The following WHRN variants were observed in gnomAD, a reference collection of about 807,000 sequenced individuals.
The protein encoded by WHRN is whirlin.
WHRN carries 41 observed loss-of-function variants against 68.3 expected under a neutral mutation model. That is an observed-to-expected ratio of 0.60 (90% confidence interval 0.47 to 0.78). The LOEUF (loss-of-function observed/expected upper bound fraction) is 0.78. Among genes scored for constraint, WHRN ranks in the 30% least tolerant of loss-of-function variants. WHRN has a pLI of 0.00. For missense variants in WHRN, 1,243 were observed against 1,244.7 expected (o/e 1.00, Z 0.02); for synonymous variants, 560 against 561.3 (o/e 1.00, Z 0.03).
intron 3 of WHRN, among the ~76,000 whole-genome samples, chr9:114,447,006 C>G (rs1343675037): frequency 6.6e-6 from 1 of 152,058 alleles, no homozygotes; most frequent in African/African-American, 2.4e-5. Flanking sequence ...CCAATTCTTC[C>G]TGGAAGAGCT....
intron 7 of WHRN, among the ~76,000 whole-genome samples, chr9:114,421,107 G>A (rs538693954): frequency 6.6e-6 from 1 of 152,146 alleles, no homozygotes; most frequent in East Asian, 1.9e-4. Context: ...AAACCTTTAG[G>A]ACCACTCTTT....
intron 3 of WHRN, among the ~76,000 whole-genome samples, chr9:114,458,116 A>G (rs557331840): frequency 1.3e-5 from 2 of 152,324 alleles, no homozygotes; most frequent in South Asian, 4.1e-4. Context: ...TGCAAAAATA[A>G]TACTTGCTAG....
At chr9:114,405,396 T>G (rs984434039) in intron 9 of WHRN, among the ~76,000 whole-genome samples, 5 of 152,204 alleles carry the variant, frequency 3.3e-5, no homozygotes, top group African/African-American at 1.2e-4. Context: ...ACTTTGTATG[T>G]CTCAGTTTGT....
intron 1 of WHRN, among the ~76,000 whole-genome samples, chr9:114,486,941 T>TGTAGAG (rs1564217466): frequency 1.8e-4 from 1 of 5,422 alleles, no homozygotes; most frequent in Admixed American, 4.5e-3. Context: ...TGTGTGTGTG[T>TGTAGAG]TGTGTGTGTG....
intron 3 of WHRN, among the ~76,000 whole-genome samples, chr9:114,443,969 C>A (rs1326583633): frequency 2.0e-5 from 3 of 152,172 alleles, no homozygotes; most frequent in Non-Finnish European, 4.4e-5. Flanking sequence ...GGGGAAACCC[C>A]TTATAAAATC....
chr9:114,497,905 C>T (rs4979414), intron 1 of WHRN, among the ~76,000 whole-genome samples: 62,444 of 152,070 alleles, frequency 0.41, 15,357 homozygotes, highest in East Asian at 0.58. Context: ...TAGTTATGCC[C>T]ATTTCACAGC....
At chr9:114,478,400 G>GA in intron 2 of WHRN, 153 bp downstream of exon 2, 1 of 848,580 alleles carries the variant, frequency 1.2e-6, no homozygotes. Flanking sequence ...GAAAAGCAAA[G>GA]AAAAAACACC....
At chr9:114,424,616 C>A in intron 5 of WHRN, 70 bp from the exon 6 acceptor site, 8 of 1,485,792 alleles carry the variant, frequency 5.4e-6, no homozygotes, top group East Asian at 2.5e-5. Context: ...TGCCACTCCC[C>A]CTCTGCCCTT....
At chr9:114,439,464 G>A (rs1417536581) in intron 3 of WHRN, among the ~76,000 whole-genome samples, 2 of 152,226 alleles carry the variant, frequency 1.3e-5, no homozygotes, top group South Asian at 2.1e-4. Context: ...TTGGGCAAAT[G>A]GGTAAACACT....
chr9:114,434,189 A>T (rs531531569), intron 3 of WHRN, among the ~76,000 whole-genome samples: 2 of 152,320 alleles, frequency 1.3e-5, no homozygotes, highest in South Asian at 4.1e-4. Flanking sequence ...TTTAGCTCTA[A>T]ACTTAATAGG....
intron 2 of WHRN, among the ~76,000 whole-genome samples, chr9:114,470,549 G>A (rs1451004155): frequency 6.6e-6 from 1 of 152,142 alleles, no homozygotes; most frequent in Middle Eastern, 3.2e-3. Context: ...GCAGGAGAGG[G>A]GTGACTTTGT....
chr9:114,417,550 A>T (rs887551918), intron 7 of WHRN, among the ~76,000 whole-genome samples: 1 of 152,258 alleles, frequency 6.6e-6, no homozygotes, highest in African/African-American at 2.4e-5. Context: ...AGGGAAACCC[A>T]CGAAGAGGTT....
At chr9:114,500,696 A>G (rs1205385342) in intron 1 of WHRN, among the ~76,000 whole-genome samples, 2 of 152,174 alleles carry the variant, frequency 1.3e-5, no homozygotes, top group Admixed American at 6.5e-5. Context: ...TAACCAGGAG[A>G]TTCAGAAGGC....
chr9:114,500,475 A>G (rs186294887), intron 1 of WHRN, among the ~76,000 whole-genome samples: 55 of 152,330 alleles, frequency 3.6e-4, no homozygotes, highest in African/African-American at 1.3e-3. Context: ...GTTATTATGC[A>G]AAGGGAGGGA....
At chr9:114,479,953 C>T (rs775076994) in intron 1 of WHRN, among the ~76,000 whole-genome samples, 47 of 152,084 alleles carry the variant, frequency 3.1e-4, no homozygotes, top group Non-Finnish European at 5.3e-4. Flanking sequence ...ATCCCAGCTA[C>T]TTGGGAGGCT....
intron 3 of WHRN, among the ~76,000 whole-genome samples, chr9:114,442,115 T>C (rs1281380436): frequency 1.3e-5 from 2 of 152,090 alleles, no homozygotes; most frequent in Non-Finnish European, 2.9e-5. Flanking sequence ...TTCAAAAATA[T>C]CAATGTCATA....
Position 114,455,011 on chromosome 9 carries a change from C to T in WHRN, c.963+11256G>A, listed in dbSNP as rs1323614536. Among the ~76,000 whole-genome samples the T allele has an allele frequency of 3.3e-5, 5 of 152,064 alleles. No individual in the cohort carries two copies. The East Asian group carries it at 5.8e-4, about 18-fold the overall frequency. On this transcript the variant is annotated intron_variant, in intron 3 of 11. Transcript: ENST00000362057. The stretch of plus-strand genomic sequence containing the variant: ...CTAGAACAATTGGCTGTCTATAATG[C>T]AAACAAATGAACCTCAATCTCACAC...
At chr9:114,437,685 T>A (rs1837984154) in intron 3 of WHRN, among the ~76,000 whole-genome samples, 1 of 152,190 alleles carries the variant, frequency 6.6e-6, no homozygotes, top group African/African-American at 2.4e-5. Flanking sequence ...AGGCAAGCCA[T>A]GAAGATAGCC....
chr9:114,436,777 C>T (rs972621764), intron 3 of WHRN, among the ~76,000 whole-genome samples: 6 of 151,746 alleles, frequency 4.0e-5, no homozygotes, highest in Non-Finnish European at 8.8e-5. Flanking sequence ...TGTAGTGAGC[C>T]GAGATTGCGC....
Sources: gnomAD v4.1 joint callset for allele counts (sites outside exome capture counted in the v4.1 genomes callset) on GRCh38, gnomAD v4.1.1 for gene constraint, MANE v1.5 for transcripts, NCBI Gene and HGNC (gene_info 2026-07-23, HGNC 2026-07-21) for gene names.